Variants in ASPRV1 observed in about 807,000 individuals in gnomAD.
ASPRV1 encodes the protein aspartic peptidase retroviral like 1, also known as retroviral-like aspartic protease 1.
A neutral mutation model predicts 11.0 loss-of-function variants in ASPRV1; 7 were observed. The ratio of observed to expected loss-of-function variants is 0.64; its 90% CI spans 0.36 to 1.20. The LOEUF is 1.20. Ranked by LOEUF, ASPRV1 falls within the 50% of genes most tolerant of loss-of-function variation. ASPRV1 has a pLI of 0.02. For synonymous variants in ASPRV1, 136 were observed against 138.4 expected (o/e 0.98, Z 0.12); for missense variants, 299 against 320.0 (o/e 0.93, Z 0.50).
At chr2:70,065,819 C>CAAAAAAAAA in the ASPRV1 span, among the ~76,000 whole-genome samples, 219 of 67,328 alleles carry the variant, frequency 3.3e-3, no homozygotes, top group Middle Eastern at 0.014. Flanking sequence ...GCTTTTGACT[C>CAAAAAAAAA]AAAAAAAAAA....
the ASPRV1 span, among the ~76,000 whole-genome samples, chr2:70,029,357 T>A: frequency 1.3e-5 from 2 of 151,214 alleles, no homozygotes; most frequent in African/African-American, 2.5e-5. Context: ...AAACAGGAGT[T>A]CGGCCAGGCA....
chr2:69,944,592 A>G, the ASPRV1 span, among the ~76,000 whole-genome samples: 3 of 152,298 alleles, frequency 2.0e-5, no homozygotes, highest in Middle Eastern at 3.4e-3. Flanking sequence ...CCTTGCCCCA[A>G]TTTTTGCAAG....
the ASPRV1 span, among the ~76,000 whole-genome samples, chr2:70,024,720 T>C: frequency 1.3e-5 from 2 of 152,252 alleles, no homozygotes; most frequent in East Asian, 3.9e-4. Context: ...ACTGGTGTCA[T>C]TGGGTGCCAC....
At chr2:70,067,102 T>C in the ASPRV1 span, among the ~76,000 whole-genome samples, 1 of 152,216 alleles carries the variant, frequency 6.6e-6, no homozygotes, top group Non-Finnish European at 1.5e-5. Context: ...TCCTCAGAAG[T>C]ACTCTTTTAT....
At chr2:69,963,111 C>T (rs755621300), upstream of ASPRV1, 1 of 374,620 alleles carries the variant, frequency 2.7e-6, no homozygotes, top group Non-Finnish European at 5.3e-6. Context: ...CTGGATGGCC[C>T]AGGTCCCCAA....
At chr2:69,996,849 G>T in the ASPRV1 span, 1 of 403,812 alleles carries the variant, frequency 2.5e-6, no homozygotes, top group Non-Finnish European at 4.9e-6. Flanking sequence ...ATGGATAAGG[G>T]TTAAGCACCT....
the ASPRV1 span, among the ~76,000 whole-genome samples, chr2:69,944,808 C>T: frequency 6.6e-6 from 1 of 151,904 alleles, no homozygotes. Flanking sequence ...AGGACCCCCC[C>T]TCCTCTACTG....
chr2:70,059,578 T>C, the ASPRV1 span: 1 of 152,794 alleles, frequency 6.5e-6, no homozygotes, highest in East Asian at 1.9e-4. Flanking sequence ...ACATTACATT[T>C]ATTGTGCACG....
At chr2:70,006,122 T>C in the ASPRV1 span, among the ~76,000 whole-genome samples, 2 of 152,304 alleles carry the variant, frequency 1.3e-5, no homozygotes, top group East Asian at 3.9e-4. Flanking sequence ...CATGCCCATG[T>C]GCGCACACAC....
chr2:70,063,590 G>C, the ASPRV1 span, among the ~76,000 whole-genome samples: 26 of 152,284 alleles, frequency 1.7e-4, no homozygotes, highest in South Asian at 1.9e-3. Context: ...TTGTTTCAAA[G>C]ATAAGGGAGT....
the ASPRV1 span, among the ~76,000 whole-genome samples, chr2:69,944,935 G>A: frequency 6.6e-6 from 1 of 152,040 alleles, no homozygotes; most frequent in Non-Finnish European, 1.5e-5. Context: ...TATTCAACCA[G>A]TATTTACCGT....
the ASPRV1 span, among the ~76,000 whole-genome samples, chr2:69,948,171 CAGGG>C: frequency 6.6e-6 from 1 of 152,082 alleles, no homozygotes; most frequent in Non-Finnish European, 1.5e-5. Context: ...TGCTTGAGCC[CAGGG>C]AGGTGGAGGC....
At chr2:69,940,877 C>T in the ASPRV1 span, 1 of 152,732 alleles carries the variant, frequency 6.5e-6, no homozygotes, top group Admixed American at 6.5e-5. Flanking sequence ...ACCCCATCCT[C>T]CGCGCCCCGT....
chr2:70,060,340 C>CAAAA, the ASPRV1 span, among the ~76,000 whole-genome samples: 8 of 52,694 alleles, frequency 1.5e-4, no homozygotes, highest in Admixed American at 5.4e-4. Flanking sequence ...GACTCCATCT[C>CAAAA]AAAAAAAAAA....
chr2:70,039,264 A>C, the ASPRV1 span, among the ~76,000 whole-genome samples: 11 of 152,340 alleles, frequency 7.2e-5, no homozygotes, highest in East Asian at 2.1e-3. Flanking sequence ...TCTGCAACGC[A>C]TATAAAGGCT....
the ASPRV1 span, among the ~76,000 whole-genome samples, chr2:69,954,449 G>A: frequency 6.6e-6 from 1 of 152,188 alleles, no homozygotes; most frequent in Admixed American, 6.5e-5. Context: ...AGAGGTGGTG[G>A]TTGTTTCCTC....
the ASPRV1 span, among the ~76,000 whole-genome samples, chr2:69,990,850 C>G: frequency 6.6e-6 from 1 of 152,156 alleles, no homozygotes; most frequent in Admixed American, 6.5e-5. Context: ...TGGGAAGGGA[C>G]ATTAGGCGCC....
At chr2:70,077,715 C>T in the ASPRV1 span, among the ~76,000 whole-genome samples, 2 of 151,762 alleles carry the variant, frequency 1.3e-5, no homozygotes, top group Admixed American at 1.3e-4. Context: ...ATTATCTGGG[C>T]ATGGTGGCGT....
chr2:70,044,868 A>AT, the ASPRV1 span, among the ~76,000 whole-genome samples: 1 of 152,176 alleles, frequency 6.6e-6, no homozygotes, highest in Admixed American at 6.5e-5. Flanking sequence ...CTCTGGCCCC[A>AT]TCACACCTGA....
Sources: allele counts gnomAD v4.1 joint callset (sites outside exome capture counted in the v4.1 genomes callset), GRCh38; gene constraint gnomAD v4.1.1; transcripts MANE v1.5; gene names NCBI Gene and HGNC (gene_info 2026-07-23, HGNC 2026-07-21).